TPTE: variants seen among roughly 807,000 people sequenced by gnomAD.
The protein encoded by TPTE is putative tyrosine-protein phosphatase TPTE.
In TPTE, 59 loss-of-function variants were observed where a neutral mutation model predicts 84.1. The ratio of observed to expected loss-of-function variants is 0.70; its 90% CI spans 0.57 to 0.87. The LOEUF (loss-of-function observed/expected upper bound fraction) is 0.87. TPTE is among the 40% of genes least tolerant of loss of function. The pLI is 0.00. For missense variants in TPTE, 382 were observed against 659.6 expected (o/e 0.58, Z 4.61); for synonymous variants, 130 against 223.5 (o/e 0.58, Z 3.73).
At chr21:10,598,423 CTCT>C (rs1160701174) in intron 21 of TPTE, among the ~76,000 whole-genome samples, 17 of 152,276 alleles carry the variant, frequency 1.1e-4, no homozygotes, top group Non-Finnish European at 2.1e-4. Flanking sequence ...TAACCATATT[CTCT>C]TCTTCTCCGT....
chr21:10,594,499 C>A (rs1483826448), intron 19 of TPTE, among the ~76,000 whole-genome samples: 3 of 152,306 alleles, frequency 2.0e-5, no homozygotes, highest in Non-Finnish European at 4.4e-5. Flanking sequence ...TTAATTTCTA[C>A]TACAAGTCCA....
intron 7 of TPTE, among the ~76,000 whole-genome samples, chr21:10,546,011 A>G (rs1174666057): frequency 1.3e-5 from 2 of 152,290 alleles, no homozygotes; most frequent in Non-Finnish European, 2.9e-5. Context: ...ATGTGTGTGT[A>G]TATGCAGGTA....
At chr21:10,602,279 C>T in intron 22 of TPTE, 129 bp downstream of exon 22, 1 of 1,206,654 alleles carries the variant, frequency 8.3e-7, no homozygotes, top group Non-Finnish European at 1.2e-6. Context: ...AGATCTATAA[C>T]AAATTTTTTT....
At chr21:10,581,010 T>A (rs1426209029) in intron 17 of TPTE, among the ~76,000 whole-genome samples, 1 of 152,312 alleles carries the variant, frequency 6.6e-6, no homozygotes, top group African/African-American at 2.4e-5. Flanking sequence ...TCTAAATCAA[T>A]TTTTATATCA....
intron 21 of TPTE, among the ~76,000 whole-genome samples, chr21:10,600,320 G>GTAT (rs2075665746): frequency 6.6e-6 from 1 of 152,306 alleles, no homozygotes; most frequent in Non-Finnish European, 1.5e-5. Flanking sequence ...TGTATTATTA[G>GTAT]TAGAGACGGG....
chr21:10,555,272 A>G (rs1214104434), intron 8 of TPTE, among the ~76,000 whole-genome samples: 1 of 152,250 alleles, frequency 6.6e-6, no homozygotes, highest in Non-Finnish European at 1.5e-5. Flanking sequence ...CAGTGGCTCC[A>G]CTCAGCTCAC....
chr21:10,566,864 CTACTCGTGAGGCTGAGG>C (rs2074931589), intron 10 of TPTE, among the ~76,000 whole-genome samples: 2 of 152,262 alleles, frequency 1.3e-5, no homozygotes, highest in South Asian at 4.1e-4. Context: ...GTAATCCCAG[CTACTCGTGAGGCTGAGG>C]CAGGAGAATC....
At position 10,592,292 on chromosome 21, in the gene TPTE, G is replaced by A. The variant is rs151206628; in HGVS notation, c.1090-1G>A. ...TGGTTGGATTGTACCCTTTTTTGTAGGAAAGCCTGTATTATTTTGGAGAAA... is the reference window on the plus strand; with the variant it reads ...TGGTTGGATTGTACCCTTTTTTGTAAGAAAGCCTGTATTATTTTGGAGAAA... On this transcript the variant is annotated splice_acceptor_variant, in intron 18 of 23. Coordinates refer to ENST00000618007, the MANE Select transcript of TPTE (RefSeq NM_199261.4). LOFTEE classifies it high-confidence loss of function. 204 of 1,612,034 alleles carry A rather than the reference G, an allele frequency of 1.3e-4. No homozygotes were observed. Among genetic ancestry groups the A allele is most frequent in the South Asian group, 5.7e-4 (52 of 90,848 alleles).
chr21:10,553,723 A>G (rs2074625052), intron 8 of TPTE, among the ~76,000 whole-genome samples: 1 of 152,306 alleles, frequency 6.6e-6, no homozygotes, highest in Non-Finnish European at 1.5e-5. Flanking sequence ...TATTGGATTT[A>G]TAGTAAAAGC....
At chr21:10,546,379 A>G (rs1229709270) in intron 7 of TPTE, among the ~76,000 whole-genome samples, 4 of 152,306 alleles carry the variant, frequency 2.6e-5, no homozygotes, top group Non-Finnish European at 4.4e-5. Flanking sequence ...GGGCCTCCCT[A>G]TTCCCTGAGA....
intron 3 of TPTE, among the ~76,000 whole-genome samples, chr21:10,529,756 A>G (rs1329764433): frequency 6.6e-6 from 1 of 152,302 alleles, no homozygotes; most frequent in African/African-American, 2.4e-5. Context: ...TATTCAGTTT[A>G]TAATTAATAT....
intron 19 of TPTE, among the ~76,000 whole-genome samples, chr21:10,595,542 G>A (rs1185497621): frequency 2.6e-5 from 4 of 152,290 alleles, no homozygotes; most frequent in Admixed American, 6.5e-5. Flanking sequence ...GAAGAGGGAT[G>A]GGAAACCTGC....
intron 21 of TPTE, among the ~76,000 whole-genome samples, chr21:10,600,146 T>C (rs1165804712): frequency 1.3e-5 from 2 of 152,020 alleles, no homozygotes; most frequent in Non-Finnish European, 2.9e-5. Context: ...TTTTCTTTTT[T>C]TTTTTTTTTT....
rs756593086 is a variant in TPTE at position 10,603,636 on chromosome 21, T to A, written c.1520+4T>A. On this transcript the variant is annotated splice_donor_region_variant and intron_variant, in intron 23 of 23. Coordinates refer to ENST00000618007, the MANE Select transcript of TPTE (RefSeq NM_199261.4). ...CATCTTTTATTGAAAATAACAGGTA[T>A]GAATATAATAGAAACCCATAGAAAC... 3.1e-6 allele frequency: 5 copies of A among 1,611,338 alleles called. No individual in the cohort carries two copies. In the Admixed American group the frequency reaches 6.7e-5, roughly 22 times the overall value.
At chr21:10,528,308 A>G (rs568142147) in intron 3 of TPTE, among the ~76,000 whole-genome samples, 217 of 152,344 alleles carry the variant, frequency 1.4e-3, no homozygotes, top group Admixed American at 0.014. Context: ...GGAGTCAACA[A>G]TGAAAGGGGA....
In TPTE at chr21:10,605,689, T is replaced by C. The variant is rs1979228682; in HGVS notation, c.*137T>C. On this transcript the variant is annotated 3_prime_UTR_variant, in exon 24 of 24. Transcript: ENST00000618007. The stretch of plus-strand genomic sequence containing the variant: ...TATATATGTTTATATATGTTCTTCA[T>C]AAATCTATTACATATATATAGATAA... The C allele has an allele frequency of 3.5e-6, 5 of 1,426,592 alleles. No individual in the cohort carries two copies. The Middle Eastern group carries it at 8.5e-4, about 243-fold the overall frequency. 88.4% of individuals were successfully genotyped at this position (1,426,592 alleles called of 1,614,324 possible). A position where few individuals can be genotyped will look rare whatever the true frequency, so the allele number is the denominator to read the frequency against.
intron 17 of TPTE, among the ~76,000 whole-genome samples, chr21:10,587,308 C>G (rs1187078978): frequency 6.6e-6 from 1 of 152,308 alleles, no homozygotes; most frequent in Non-Finnish European, 1.5e-5. Flanking sequence ...TATGATTGAT[C>G]GCATCACCCA....
At chr21:10,548,812 G>T (rs573163740) in intron 7 of TPTE, among the ~76,000 whole-genome samples, 106 of 152,394 alleles carry the variant, frequency 7.0e-4, no homozygotes, top group Admixed American at 1.4e-3. Context: ...CACTCCTGGA[G>T]TGCATGCTTC....
intron 3 of TPTE, among the ~76,000 whole-genome samples, chr21:10,537,554 TGTA>T (rs2074287938): frequency 6.6e-6 from 1 of 152,274 alleles, no homozygotes; most frequent in Non-Finnish European, 1.5e-5. Flanking sequence ...GGCGGGTGCC[TGTA>T]GTCCCAGCTA....
Sources: gnomAD v4.1 joint callset for allele counts (sites outside exome capture counted in the v4.1 genomes callset) on GRCh38, gnomAD v4.1.1 for gene constraint, MANE v1.5 for transcripts, NCBI Gene and HGNC (gene_info 2026-07-23, HGNC 2026-07-21) for gene names.